WWOX: variants seen among roughly 807,000 people sequenced by gnomAD.
WWOX encodes the protein WW domain-containing oxidoreductase.
A neutral mutation model predicts 46.2 loss-of-function variants in WWOX; 69 were observed. The ratio of observed to expected loss-of-function variants is 1.49; its 90% CI spans 1.23 to 1.82. The LOEUF (loss-of-function observed/expected upper bound fraction) is 1.82, where lower values mean the gene tolerates loss of function less well. Among genes scored for constraint, WWOX ranks in the 40% most tolerant of loss-of-function variants. WWOX has a pLI of 0.00. For missense variants in WWOX, 919 were observed against 542.6 expected, an observed-to-expected ratio of 1.69 and a Z score of -6.89; for synonymous variants, 359 against 202.6, an observed-to-expected ratio of 1.77 and a Z score of -6.56.
intron 8 of WWOX, among the ~76,000 whole-genome samples, chr16:78,733,500 C>T (rs1422092866): frequency 6.6e-6 from 1 of 151,440 alleles, no homozygotes; most frequent in Non-Finnish European, 1.5e-5. Context: ...GTAATCCCAG[C>T]ACTCTGGGAG....
At chr16:78,544,427 T>G (rs1242006952) in intron 8 of WWOX, among the ~76,000 whole-genome samples, 2 of 152,210 alleles carry the variant, frequency 1.3e-5, no homozygotes, top group Non-Finnish European at 2.9e-5. Context: ...TATTAAGTAG[T>G]CAGTTCCTCA....
chr16:78,331,955 G>A (rs556812938), intron 5 of WWOX, among the ~76,000 whole-genome samples: 3 of 152,272 alleles, frequency 2.0e-5, no homozygotes, highest in African/African-American at 7.2e-5. Context: ...TTTGAACCAG[G>A]CTAGCTGACT....
At chr16:78,641,749 G>T (rs146084557) in intron 8 of WWOX, among the ~76,000 whole-genome samples, 1 of 152,130 alleles carries the variant, frequency 6.6e-6, no homozygotes, top group Admixed American at 6.5e-5. Context: ...AGCAAAAGAC[G>T]AAGACTAATT....
chr16:78,543,590 C>T (rs1002265144), intron 8 of WWOX, among the ~76,000 whole-genome samples: 2 of 152,150 alleles, frequency 1.3e-5, no homozygotes, highest in African/African-American at 4.8e-5. Context: ...TTGAGCATAC[C>T]ATATGCTGAA....
Position 78,862,944 on chromosome 16 carries a change from T to C in WWOX, c.1057-348664T>C, listed in dbSNP as rs575492831. Among the ~76,000 whole-genome samples, 250 of 150,688 alleles carry C rather than the reference T, an allele frequency of 1.7e-3. 1 individual carries two copies. The highest frequency in any genetic ancestry group is 4.9e-4 in the Non-Finnish European group (33 of 67,768). ...AGTGGACACATACAATTAGACATCA[T>C]GGTGGTTATGCCAAGTTTTTTTTTT... On this transcript the variant is annotated intron_variant, in intron 8 of 8. Coordinates refer to ENST00000566780, the MANE Select transcript of WWOX (RefSeq NM_016373.4).
intron 8 of WWOX, among the ~76,000 whole-genome samples, chr16:78,704,130 T>A (rs2048283559): frequency 6.6e-6 from 1 of 151,718 alleles, no homozygotes. Context: ...AGGGGCAGGC[T>A]GTGATTTTTT....
At chr16:78,646,208 A>C (rs985364275) in intron 8 of WWOX, among the ~76,000 whole-genome samples, 2 of 152,050 alleles carry the variant, frequency 1.3e-5, no homozygotes, top group African/African-American at 4.8e-5. Context: ...TTTGGTAGAG[A>C]TGATATCTTG....
chr16:78,625,257 T>C (rs1479468184), intron 8 of WWOX, among the ~76,000 whole-genome samples: 1 of 152,146 alleles, frequency 6.6e-6, no homozygotes, highest in African/African-American at 2.4e-5. Flanking sequence ...CCCCACTCTT[T>C]AGCCTCAGTC....
chr16:78,960,459 A>G (rs1597208916), intron 8 of WWOX, among the ~76,000 whole-genome samples: 1 of 152,216 alleles, frequency 6.6e-6, no homozygotes, highest in African/African-American at 2.4e-5. Context: ...TCACTTCATG[A>G]AAATCATTTA....
At chr16:78,745,344 T>C (rs144951448) in intron 8 of WWOX, among the ~76,000 whole-genome samples, 1 of 152,184 alleles carries the variant, frequency 6.6e-6, no homozygotes, top group Admixed American at 6.5e-5. Context: ...TTCCAAGGCT[T>C]TCTGCCATGA....
At chr16:78,686,598 C>G (rs1365517310) in intron 8 of WWOX, among the ~76,000 whole-genome samples, 2 of 151,972 alleles carry the variant, frequency 1.3e-5, no homozygotes, top group African/African-American at 4.8e-5. Flanking sequence ...GGGAGTGGGC[C>G]CAGCTATTTG....
intron 8 of WWOX, among the ~76,000 whole-genome samples, chr16:79,012,486 T>C (rs980956073): frequency 6.6e-5 from 10 of 152,224 alleles, no homozygotes; most frequent in Admixed American, 6.5e-4. Context: ...TTGCCCACCT[T>C]AGCCTCCTAA....
intron 8 of WWOX, among the ~76,000 whole-genome samples, chr16:78,848,795 A>G (rs1597716454): frequency 1.7e-5 from 1 of 59,338 alleles, no homozygotes; most frequent in Admixed American, 1.7e-4. Flanking sequence ...TTACACAGAG[A>G]CCTTTTTTTT....
At chr16:78,669,200 C>G (rs1045606080) in intron 8 of WWOX, among the ~76,000 whole-genome samples, 3 of 152,170 alleles carry the variant, frequency 2.0e-5, no homozygotes, top group East Asian at 3.9e-4. Context: ...CACACACTCC[C>G]TTGCTAAGAG....
chr16:78,851,009 T>C lies in WWOX; in HGVS notation c.1057-360599T>C, dbSNP rs113334286. Among the ~76,000 whole-genome samples the C allele has an allele frequency of 2.7e-3, 412 of 152,300 alleles. 1 individual carries two copies. Among genetic ancestry groups the C allele is most frequent in the Non-Finnish European group, 3.4e-3 (231 of 68,028 alleles). On this transcript the variant is annotated intron_variant, in intron 8 of 8. Coordinates refer to ENST00000566780, the MANE Select transcript of WWOX (RefSeq NM_016373.4). ...CATGTAGTGTTTCTTTTGCAGCTCC[T>C]AGAGATAAATTTTTTAATGTATTAC... is the stretch of plus-strand genomic sequence containing the variant.
chr16:78,399,478 C>CAT (rs1567549352), intron 6 of WWOX, among the ~76,000 whole-genome samples: 3 of 152,172 alleles, frequency 2.0e-5, no homozygotes, highest in Admixed American at 6.5e-5. Context: ...CTGGAGTGGA[C>CAT]ATGGATCATG....
intron 8 of WWOX, among the ~76,000 whole-genome samples, chr16:79,050,768 G>C (rs2048151652): frequency 6.6e-6 from 1 of 152,182 alleles, no homozygotes; most frequent in African/African-American, 2.4e-5. Flanking sequence ...AGGAGAATAG[G>C]GTGGGTCGAA....
intron 8 of WWOX, among the ~76,000 whole-genome samples, chr16:79,026,188 C>T (rs1041369459): frequency 5.9e-5 from 9 of 151,666 alleles, no homozygotes; most frequent in Non-Finnish European, 1.3e-4. Flanking sequence ...GGTGAACAAC[C>T]CAAACCCTCA....
rs1260709761 is a variant in WWOX at position 78,479,252 on chromosome 16, T to A, written c.1056+46500T>A. On this transcript the variant is annotated intron_variant, in intron 8 of 8. Transcript: ENST00000566780. ...TACCTACTATGTGTCTGGCACCACT[T>A]CAGACAGTAAGGATATGGATATGAA... Among the ~76,000 whole-genome samples, 8 of 152,354 alleles carry A rather than the reference T, an allele frequency of 5.3e-5. No homozygotes were observed. The East Asian group carries it at 1.5e-3, about 29-fold the overall frequency.
Sources: gnomAD v4.1 joint callset for allele counts (sites outside exome capture counted in the v4.1 genomes callset) on GRCh38, gnomAD v4.1.1 for gene constraint, MANE v1.5 for transcripts, NCBI Gene and HGNC (gene_info 2026-07-23, HGNC 2026-07-21) for gene names.